HTR3C: variants seen among roughly 807,000 people sequenced by gnomAD.
HTR3C encodes 5-hydroxytryptamine receptor 3C.
HTR3C carries 32 observed loss-of-function variants against 40.5 expected under a neutral mutation model. The observed-to-expected ratio is 0.79, with a 90% CI of 0.60 to 1.06. HTR3C has a LOEUF of 1.06. Ranked by LOEUF, HTR3C falls within the 50% of genes least tolerant of loss-of-function variation. HTR3C has a pLI of 0.00. For synonymous variants in HTR3C, 209 were observed against 217.1 expected (o/e 0.96, Z 0.33); for missense variants, 523 against 556.8 (o/e 0.94, Z 0.61).
chr3:184,054,180 A>G (rs1031132560), intron 1 of HTR3C, among the ~76,000 whole-genome samples: 1 of 152,208 alleles, frequency 6.6e-6, no homozygotes, highest in Non-Finnish European at 1.5e-5. Context: ...ATAAATGCAT[A>G]GCACCAAGGT....
At chr3:184,059,389 GC>G in intron 6 of HTR3C, 46 bp from the exon 7 acceptor site, 1 of 1,536,212 alleles carries the variant, frequency 6.5e-7, no homozygotes, top group Non-Finnish European at 9.0e-7. Context: ...TACAAATTGA[GC>G]CCTCTGACAT....
chr3:184,055,759 G>C (rs573738060), intron 3 of HTR3C, among the ~76,000 whole-genome samples: 1 of 151,024 alleles, frequency 6.6e-6, no homozygotes, highest in South Asian at 2.1e-4. Flanking sequence ...AAGTTTTCTA[G>C]TTCAAACCTC....
chr3:184,059,800 G>C, intron 7 of HTR3C, 28 bp from the exon 8 acceptor site: 1 of 1,612,876 alleles, frequency 6.2e-7, no homozygotes, highest in South Asian at 1.1e-5. Flanking sequence ...AATTTGCCTG[G>C]TTTATTTATA....
chr3:184,055,484 C>A (rs1723304746), intron 3 of HTR3C, 128 bp downstream of exon 3: 5 of 690,020 alleles, frequency 7.2e-6, no homozygotes, highest in South Asian at 6.4e-5. Context: ...GAGGCCAAGG[C>A]AGGTGGATCA....
intron 1 of HTR3C, 115 bp from the exon 2 acceptor site, chr3:184,054,606 T>C (rs568137103): frequency 9.5e-5 from 83 of 870,814 alleles, no homozygotes; most frequent in Non-Finnish European, 1.4e-4. Flanking sequence ...AGTCTTGGCA[T>C]GGGAAGGAGG....
At position 184,059,469 on chromosome 3, in the gene HTR3C, A is replaced by G; in HGVS notation, c.754A>G (p.Ile252Val). The change falls in exon 7 of 9, where the codon ATA becomes GTA. Residue 252 changes from isoleucine to valine, a missense_variant. By Grantham distance (29) the Ile-to-Val change is conservative. Transcript: ENST00000318351. ...AIRRRPSLYI[I>V]NLLVPSSFLV... ...CAGGCGCAGGCCAAGCCTCTACATCATAAACCTGCTGGTGCCCAGTAGCTT... is the reference window on the plus strand; with the variant it reads ...CAGGCGCAGGCCAAGCCTCTACATCGTAAACCTGCTGGTGCCCAGTAGCTT... The G allele has an allele frequency of 6.2e-7, 1 of 1,614,162 alleles. No individual in the cohort carries two copies. Among genetic ancestry groups the G allele is most frequent in the Non-Finnish European group, 8.5e-7 (1 of 1,180,040 alleles).
chr3:184,057,276 C>T (rs757789709), intron 5 of HTR3C, among the ~76,000 whole-genome samples: 3 of 152,100 alleles, frequency 2.0e-5, no homozygotes, highest in Non-Finnish European at 2.9e-5. Flanking sequence ...CCAGCTTGGG[C>T]AACATAGTGA....
chr3:184,053,216 C>T, intron 1 of HTR3C, 69 bp downstream of exon 1: 1 of 1,063,504 alleles, frequency 9.4e-7, no homozygotes, highest in East Asian at 2.4e-5. Context: ...ACCTCTAGCA[C>T]TTGGAGGGCA....
At chr3:184,057,721 C>T (rs1222261413) in intron 5 of HTR3C, among the ~76,000 whole-genome samples, 6 of 149,678 alleles carry the variant, frequency 4.0e-5, no homozygotes, top group African/African-American at 7.4e-5. Flanking sequence ...GGCGACAGAG[C>T]GAGACTCCGT....
At chr3:184,056,135 G>A (rs775551475) in intron 3 of HTR3C, 42 bp from the exon 4 acceptor site, 1 of 1,302,468 alleles carries the variant, frequency 7.7e-7, no homozygotes, top group Non-Finnish European at 1.1e-6. Flanking sequence ...GACAGGACAA[G>A]CTCACCGTCA....
chr3:184,058,909 T>C (rs1156596743), intron 6 of HTR3C, among the ~76,000 whole-genome samples: 3 of 152,088 alleles, frequency 2.0e-5, no homozygotes, highest in Admixed American at 2.0e-4. Flanking sequence ...GAGGCTGCAG[T>C]GAGCTGAGAT....
Position 184,059,449 on chromosome 3 carries a change from G to A in HTR3C, c.734G>A (p.Arg245His), listed in dbSNP as rs377023957. The A allele has an allele frequency of 4.4e-5, 71 of 1,614,000 alleles. No individual in the cohort carries two copies. Among genetic ancestry groups the A allele is most frequent in the East Asian group, 6.7e-5 (3 of 44,890 alleles). The change falls in exon 7 of 9, where the codon CGC (arginine) becomes CAC (histidine). Residue 245 changes from arginine to histidine, a missense_variant. Transcript: ENST00000318351. Reference sequence around the variant, plus strand: ...GTCTCTCTCCAGGTGGCCATCAGGCGCAGGCCAAGCCTCTACATCATAAAC... The same window carrying A: ...GTCTCTCTCCAGGTGGCCATCAGGCACAGGCCAAGCCTCTACATCATAAAC... ...DQIMFYVAIR[R>H]RPSLYIINLL...
chr3:184,056,141 C>A, intron 3 of HTR3C, 36 bp from the exon 4 acceptor site: 1 of 1,364,136 alleles, frequency 7.3e-7, no homozygotes, highest in Non-Finnish European at 1.0e-6. Flanking sequence ...ACAAGCTCAC[C>A]GTCACTCACC....
At position 184,059,530 on chromosome 3, in the gene HTR3C, C is replaced by T. The variant is rs770935807; in HGVS notation, c.815C>T (p.Pro272Leu). 3.7e-6 allele frequency: 6 copies of T among 1,614,022 alleles called. No homozygotes were observed. Among genetic ancestry groups the T allele is most frequent in the African/African-American group, 1.3e-5 (1 of 74,902 alleles). The change falls in exon 7 of 9, where the codon CCA (proline) becomes CTA (leucine). Residue 272 changes from proline (P) to leucine (L), a missense_variant. Coordinates refer to ENST00000318351, the MANE Select transcript of HTR3C (RefSeq NM_130770.3). ...VAIDALSFYL[P>L]AESENRAPFK... The stretch of plus-strand genomic sequence containing the variant: ...ATTGATGCCCTCAGCTTCTACCTGC[C>T]AGCAGAGAGCGAGAATCGTGCCCCA...
At chr3:184,053,257 A>G in intron 1 of HTR3C, 110 bp downstream of exon 1, 2 of 781,542 alleles carry the variant, frequency 2.6e-6, no homozygotes, top group South Asian at 1.5e-5. Context: ...TATTTCTTCC[A>G]TAATGTCTGT....
intron 6 of HTR3C, 97 bp downstream of exon 6, chr3:184,058,684 G>T (rs1460634526): frequency 2.2e-6 from 3 of 1,375,256 alleles, no homozygotes; most frequent in Non-Finnish European, 2.0e-6. Flanking sequence ...GAAGCTCCAG[G>T]CCGGGTGCAG....
chr3:184,057,902 A>T (rs1723361554), intron 5 of HTR3C, among the ~76,000 whole-genome samples: 1 of 152,182 alleles, frequency 6.6e-6, no homozygotes, highest in African/African-American at 2.4e-5. Context: ...GTGCCAAATG[A>T]GGCCCAGCTG....
intron 5 of HTR3C, 141 bp downstream of exon 5, chr3:184,057,185 C>A: frequency 1.7e-6 from 1 of 591,816 alleles, no homozygotes; most frequent in Non-Finnish European, 2.9e-6. Flanking sequence ...CAATAACTGG[C>A]CAGGCACAGT....
rs1723375895 is a variant in HTR3C at position 184,058,466 on chromosome 3, A to G, written c.599A>G (p.Glu200Gly). Residue 200 changes from glutamate to glycine, a missense_variant, in exon 6 of 9, where the codon GAG (glutamate) becomes GGG (glycine). Coordinates refer to ENST00000318351, the MANE Select transcript of HTR3C (RefSeq NM_130770.3). ...CTGGGCATGGACAAGGAGGTGTGGGAGATCACAGACACGTCTCGCAAAGTC... is the reference window on the plus strand; with the variant it reads ...CTGGGCATGGACAAGGAGGTGTGGGGGATCACAGACACGTCTCGCAAAGTC... ...MLLGMDKEVW[E>G]ITDTSRKVIQ... 1 of 1,612,928 alleles carries G rather than the reference A, an allele frequency of 6.2e-7. No individual in the cohort carries two copies. Among genetic ancestry groups the G allele is most frequent in the Non-Finnish European group, 8.5e-7 (1 of 1,179,590 alleles).
Sources: gnomAD v4.1 joint callset for allele counts (sites outside exome capture counted in the v4.1 genomes callset) on GRCh38, gnomAD v4.1.1 for gene constraint, MANE v1.5 for transcripts, NCBI Gene and HGNC (gene_info 2026-07-23, HGNC 2026-07-21) for gene names.